Variants in KIF6 observed in about 807,000 individuals in gnomAD.
KIF6 encodes kinesin-like protein KIF6.
Under a neutral mutation model 112.7 loss-of-function variants are expected in KIF6, and 106 were observed. The observed-to-expected ratio is 0.94, with a 90% CI of 0.80 to 1.11. The LOEUF is 1.11. KIF6 is among the 50% of genes least tolerant of loss of function. The probability of loss-of-function intolerance (pLI) is 0.00; values close to 1 mark genes in which losing one functional copy is unlikely to be tolerated. For missense variants in KIF6, 929 were observed against 964.0 expected, an observed-to-expected ratio of 0.96 and a Z score of 0.48; for synonymous variants, 339 against 339.9, an observed-to-expected ratio of 1.00 and a Z score of 0.03.
chr6:39,615,103 T>C (rs1783431837), intron 5 of KIF6, among the ~76,000 whole-genome samples: 1 of 151,894 alleles, frequency 6.6e-6, no homozygotes. Flanking sequence ...AGCCCAGGCA[T>C]TCAAGGCTGC....
At chr6:39,579,851 G>C (rs1781191465) in intron 9 of KIF6, among the ~76,000 whole-genome samples, 2 of 151,348 alleles carry the variant, frequency 1.3e-5, no homozygotes, top group South Asian at 4.2e-4. Context: ...TGGGCTATTG[G>C]TTAAACACAT....
At chr6:39,466,645 C>T (rs1773803602) in intron 13 of KIF6, among the ~76,000 whole-genome samples, 1 of 151,930 alleles carries the variant, frequency 6.6e-6, no homozygotes, top group Admixed American at 6.6e-5. Flanking sequence ...GAACATGAAG[C>T]TTCCACTCCC....
chr6:39,461,926 A>G (rs565334238), intron 13 of KIF6, among the ~76,000 whole-genome samples: 1 of 152,336 alleles, frequency 6.6e-6, no homozygotes, highest in East Asian at 1.9e-4. Context: ...TCAAAACAAG[A>G]AAGTTGTATG....
intron 15 of KIF6, among the ~76,000 whole-genome samples, chr6:39,401,621 G>T (rs1019085857): frequency 1.3e-5 from 2 of 151,956 alleles, no homozygotes; most frequent in Non-Finnish European, 2.9e-5. Context: ...GAGTCCTCCC[G>T]GGGCAGGGGA....
chr6:39,710,824 C>T (rs1268926000), intron 3 of KIF6, among the ~76,000 whole-genome samples: 1 of 151,616 alleles, frequency 6.6e-6, no homozygotes, highest in Non-Finnish European at 1.5e-5. Flanking sequence ...TCGCCTGAGC[C>T]CAGGAGTTTG....
chr6:39,346,132 C>CCTCTCTCTCTCCCTTT (rs1763769865), intron 20 of KIF6, among the ~76,000 whole-genome samples: 1 of 26,914 alleles, frequency 3.7e-5, no homozygotes, highest in African/African-American at 1.5e-4. Flanking sequence ...CCTCCCTCTC[C>CCTCTCTCTCTCCCTTT]CTCTCTCTCT....
In KIF6 at chr6:39,720,720, C is replaced by T. The variant is rs755941497; in HGVS notation, c.158G>A (p.Arg53Gln). The T allele has an allele frequency of 8.8e-6, 14 of 1,590,742 alleles. No homozygotes were observed. Among genetic ancestry groups the T allele is most frequent in the African/African-American group, 5.4e-5 (4 of 74,502 alleles). The change falls in exon 2 of 23, where the codon CGA (arginine) becomes CAA (glutamine). Residue 53 changes from arginine (R) to glutamine (Q), a missense_variant. By Grantham distance (43) the Arg-to-Gln change is conservative. This residue lies in a region of KIF6 where 688 missense variants were observed against 662.7 expected (regional missense o/e 1.04). Coordinates refer to ENST00000287152, the MANE Select transcript of KIF6 (RefSeq NM_145027.6). ...AACTTACTTAAATTTGTAGCTTTCT[C>T]GCTTATTATTCACAAACCCATCTGC... ...DLADGFVNNK[R>Q]ESYKFKFQRI...
chr6:39,534,757 T>C (rs1778307356), intron 13 of KIF6, among the ~76,000 whole-genome samples: 2 of 152,064 alleles, frequency 1.3e-5, no homozygotes, highest in South Asian at 4.2e-4. Flanking sequence ...AGACACATAA[T>C]TGTCAGATTC....
chr6:39,596,278 A>C lies in KIF6; in HGVS notation c.640-18T>G. 1 of 1,528,042 alleles carries C rather than the reference A, an allele frequency of 6.5e-7. No individual in the cohort carries two copies. Among genetic ancestry groups the C allele is most frequent in the Non-Finnish European group, 9.1e-7 (1 of 1,104,680 alleles). The allele number at this position is 1,528,042 out of a possible 1,614,324, so 94.7% of individuals were successfully genotyped here. On this transcript the variant is annotated intron_variant, in intron 6 of 22. Transcript: ENST00000287152. Reference sequence around the variant, plus strand: ...ATAGGAGTCTATAAAAAAATTGCAAAACAAAAATTATTTGAACAATGAAAA... The same window carrying C: ...ATAGGAGTCTATAAAAAAATTGCAACACAAAAATTATTTGAACAATGAAAA...
chr6:39,506,396 T>A (rs182973054), intron 13 of KIF6, among the ~76,000 whole-genome samples: 5 of 152,114 alleles, frequency 3.3e-5, no homozygotes, highest in African/African-American at 1.2e-4. Flanking sequence ...TCATGACAAA[T>A]TGCTAATACA....
chr6:39,545,754 T>C, intron 10 of KIF6, 66 bp from the exon 11 acceptor site: 3 of 942,962 alleles, frequency 3.2e-6, no homozygotes, highest in East Asian at 2.4e-5. Context: ...AATGGCATTA[T>C]CTAGTTGGTT....
Position 39,480,332 on chromosome 6 carries a change from C to T in KIF6, c.1646-49171G>A, listed in dbSNP as rs1774714911. On this transcript the variant is annotated intron_variant, in intron 13 of 22. Coordinates refer to ENST00000287152, the MANE Select transcript of KIF6 (RefSeq NM_145027.6). Reference sequence around the variant, plus strand: ...GATCGTGGGATTTTTGTTTTTAATTCTGTTTATATGGCGTATCATATTTAT... The same window carrying T: ...GATCGTGGGATTTTTGTTTTTAATTTTGTTTATATGGCGTATCATATTTAT... Among the ~76,000 whole-genome samples the T allele has an allele frequency of 2.0e-5, 3 of 152,150 alleles. No individual in the cohort carries two copies. In the South Asian group the frequency reaches 6.2e-4, roughly 32 times the overall value.
intron 18 of KIF6, among the ~76,000 whole-genome samples, chr6:39,358,792 G>A (rs1175590509): frequency 6.6e-6 from 1 of 152,158 alleles, no homozygotes; most frequent in East Asian, 1.9e-4. Flanking sequence ...AACCACAAAA[G>A]TATTAGCAAT....
At chr6:39,438,174 A>G (rs1771673706) in intron 13 of KIF6, among the ~76,000 whole-genome samples, 2 of 152,064 alleles carry the variant, frequency 1.3e-5, no homozygotes, top group South Asian at 2.1e-4. Flanking sequence ...AGATTTCACC[A>G]TGTTGACCAG....
At chr6:39,503,916 C>A (rs1195780403) in intron 13 of KIF6, among the ~76,000 whole-genome samples, 1 of 151,292 alleles carries the variant, frequency 6.6e-6, no homozygotes, top group Non-Finnish European at 1.5e-5. Flanking sequence ...TAACTGAATT[C>A]TCCTAGAGGT....
intron 13 of KIF6, among the ~76,000 whole-genome samples, chr6:39,444,829 TAA>T (rs75229210): frequency 2.2e-4 from 31 of 139,916 alleles, no homozygotes; most frequent in Admixed American, 2.2e-4. Context: ...CAGAGATGGT[TAA>T]AAAAAAAAAA....
intron 13 of KIF6, among the ~76,000 whole-genome samples, chr6:39,508,839 A>C (rs953238144): frequency 1.3e-5 from 2 of 152,204 alleles, no homozygotes; most frequent in African/African-American, 4.8e-5. Flanking sequence ...GCAGACTTAA[A>C]TGTCCCTGCC....
At chr6:39,430,703 T>C (rs1771089905) in intron 14 of KIF6, among the ~76,000 whole-genome samples, 1 of 152,192 alleles carries the variant, frequency 6.6e-6, no homozygotes, top group Admixed American at 6.5e-5. Context: ...GTTCTAAGAA[T>C]ATAATTTGGT....
At chr6:39,469,885 A>G (rs954252363) in intron 13 of KIF6, among the ~76,000 whole-genome samples, 1 of 152,188 alleles carries the variant, frequency 6.6e-6, no homozygotes, top group African/African-American at 2.4e-5. Flanking sequence ...CACATTCAAC[A>G]ATGGGTAGAA....
Sources: gnomAD v4.1 joint callset for allele counts (sites outside exome capture counted in the v4.1 genomes callset) on GRCh38, gnomAD v4.1.1 for gene constraint, gnomAD v4.1.1 regional missense constraint, MANE v1.5 for transcripts, NCBI Gene and HGNC (gene_info 2026-07-23, HGNC 2026-07-21) for gene names.